HELZ: variants seen among roughly 807,000 people sequenced by gnomAD.
HELZ encodes the protein helicase with zinc finger, also known as ATP-dependent RNA helicase with zinc finger domain.
HELZ carries 23 observed loss-of-function variants against 218.2 expected under a neutral mutation model. That is an observed-to-expected ratio of 0.11 (90% CI 0.08 to 0.15). The LOEUF (loss-of-function observed/expected upper bound fraction) is 0.15. Ranked by LOEUF, HELZ falls within the 10% of genes least tolerant of loss-of-function variation. The pLI, the probability that HELZ is intolerant of heterozygous loss-of-function variation, is 1.00. For synonymous variants in HELZ, 814 were observed against 829.4 expected, an observed-to-expected ratio of 0.98 and a Z score of 0.32; for missense variants, 1,813 against 2,353.7, an observed-to-expected ratio of 0.77 and a Z score of 4.75.
intron 26 of HELZ, among the ~76,000 whole-genome samples, chr17:67,122,271 T>G (rs761045772): frequency 4.6e-5 from 7 of 151,760 alleles, no homozygotes; most frequent in Non-Finnish European, 1.0e-4. Context: ...CATGGCCAGG[T>G]GCAGTGGCTC....
At chr17:67,121,609 A>T (rs1273037206) in intron 26 of HELZ, among the ~76,000 whole-genome samples, 2 of 152,250 alleles carry the variant, frequency 1.3e-5, no homozygotes, top group Non-Finnish European at 2.9e-5. Context: ...GGCAATGATC[A>T]TCTCAGCCTG....
In HELZ at chr17:67,193,561, CA is replaced by C. The variant is rs545358687; in HGVS notation, c.557+405del. 2.2e-3 allele frequency among the ~76,000 whole-genome samples: 328 copies of C among 151,832 alleles called. 1 individual carries two copies. The highest frequency in any genetic ancestry group is 3.4e-3 in the Middle Eastern group (1 of 294). On this transcript the variant is annotated intron_variant, in intron 9 of 32. Transcript: ENST00000358691. Reference sequence around the variant, plus strand: ...TGAAACCCTGTCTCTACTAAACATACAAAAAATTAGCCAGTGTGGTGGCACA... The same window carrying C: ...TGAAACCCTGTCTCTACTAAACATACAAAAATTAGCCAGTGTGGTGGCACA...
Position 67,208,564 on chromosome 17 carries a change from T to G in HELZ, c.248-5121A>C, listed in dbSNP as rs548615738. Among the ~76,000 whole-genome samples, 4 of 151,984 alleles carry G rather than the reference T, an allele frequency of 2.6e-5. No homozygotes were observed. The East Asian group carries it at 7.7e-4, about 29-fold the overall frequency. On this transcript the variant is annotated intron_variant, in intron 5 of 32. Transcript: ENST00000358691. ...AGAGTTTAAAATAAATACATAAAGC[T>G]TATATATATATAAATTTTTTAAAAA... is the stretch of plus-strand genomic sequence containing the variant.
intron 17 of HELZ, among the ~76,000 whole-genome samples, chr17:67,151,848 A>T (rs2038694168): frequency 6.6e-6 from 1 of 152,202 alleles, no homozygotes; most frequent in South Asian, 2.1e-4. Context: ...GGATTATTAA[A>T]ATGACACAGA....
At position 67,107,349 on chromosome 17, in the gene HELZ, G is replaced by A; in HGVS notation, c.5061C>T (p.Asn1687=). 6.2e-7 allele frequency: 1 copy of A among 1,614,200 alleles called. No individual in the cohort carries two copies. Among genetic ancestry groups the A allele is most frequent in the Non-Finnish European group, 8.5e-7 (1 of 1,180,024 alleles). Reference sequence around the variant, plus strand: ...GCCCCATTAGGTGATTCTGTTGCAAGTTAGCAAAAGTCCATGCTCCATCAG... The same window carrying A: ...GCCCCATTAGGTGATTCTGTTGCAAATTAGCAAAAGTCCATGCTCCATCAG... ...LAPDGAWTFA[N]LQQNHLMGPG... is the part of the protein sequence containing the mutation. Residue 1687 remains asparagine, a synonymous_variant, in exon 31 of 33, where the codon AAC becomes AAT. Transcript: ENST00000358691.
At chr17:67,221,285 T>C (rs750632333) in intron 3 of HELZ, among the ~76,000 whole-genome samples, 8 of 152,126 alleles carry the variant, frequency 5.3e-5, no homozygotes, top group Non-Finnish European at 1.2e-4. Flanking sequence ...GACAACCAAA[T>C]ATGTCTCCAG....
chr17:67,178,881 G>C lies in HELZ; in HGVS notation c.1208C>G (p.Ala403Gly). ...MHAKQQLVTT[A>G]KRWDSSSKTI... ...CTTAGAGGAAGAATCCCAACGTTTA[G>C]CTGTGGTTACTAGCTGCTGTTTTGC... The change falls in exon 13 of 33, where the codon GCT becomes GGT. Residue 403 changes from alanine (A) to glycine (G), a missense_variant. By Grantham distance (60) the Ala-to-Gly change is moderately conservative (BLOSUM62 0). Around this residue, in one of 4 missense-constraint regions of HELZ, gnomAD observed 714 missense variants for 1,029.2 expected, o/e 0.69. Coordinates refer to ENST00000358691, the MANE Select transcript of HELZ (RefSeq NM_014877.4). 6.2e-7 allele frequency: 1 copy of C among 1,612,416 alleles called. No homozygotes were observed. Among genetic ancestry groups the C allele is most frequent in the Non-Finnish European group, 8.5e-7 (1 of 1,178,702 alleles).
At chr17:67,239,930 A>T (rs2041277741) in intron 2 of HELZ, 2 of 152,164 alleles carry the variant, frequency 1.3e-5, no homozygotes. Context: ...TTGCTATGAG[A>T]ATTAAAGGAG....
intron 21 of HELZ, among the ~76,000 whole-genome samples, chr17:67,142,415 G>A (rs2038355242): frequency 6.6e-6 from 1 of 152,102 alleles, no homozygotes; most frequent in African/African-American, 2.4e-5. Context: ...GCTGAGGTGG[G>A]AAGATCACCT....
At chr17:67,163,828 A>T (rs1475063537) in intron 15 of HELZ, among the ~76,000 whole-genome samples, 1 of 152,158 alleles carries the variant, frequency 6.6e-6, no homozygotes, top group East Asian at 1.9e-4. Flanking sequence ...GCCCATTACC[A>T]TTACAACTAA....
chr17:67,186,893 T>C (rs1389880903), intron 12 of HELZ, among the ~76,000 whole-genome samples: 3 of 152,210 alleles, frequency 2.0e-5, no homozygotes, highest in African/African-American at 7.2e-5. Context: ...GTCTGGTCTC[T>C]AAAAGCAACT....
chr17:67,192,852 TAATA>T (rs1343550774), intron 9 of HELZ, among the ~76,000 whole-genome samples: 41 of 152,348 alleles, frequency 2.7e-4, no homozygotes, highest in Admixed American at 5.9e-4. Flanking sequence ...CCTTCCACAT[TAATA>T]AATAATTATT....
chr17:67,107,575 C>T lies in HELZ; in HGVS notation c.4835G>A (p.Ser1612Asn). ...AGATGGGACTGCTGGTGGGCTTCTA[C>T]TCTGTACTTGTCTATATTGCAAAAG... is the stretch of plus-strand genomic sequence containing the variant. ...SRLLQYRQVQ[S>N]RSPPAVPSPP... The change falls in exon 31 of 33, where the codon AGT (serine) becomes AAT (asparagine). Residue 1612 changes from serine (S) to asparagine (N), a missense_variant. Ser to Asn is a conservative substitution (Grantham distance 46). Coordinates refer to ENST00000358691, the MANE Select transcript of HELZ (RefSeq NM_014877.4). 5.6e-6 allele frequency: 9 copies of T among 1,614,104 alleles called. No individual in the cohort carries two copies. The highest frequency in any genetic ancestry group is 7.6e-6 in the Non-Finnish European group (9 of 1,180,004).
At chr17:67,224,464 T>G in intron 3 of HELZ, 1 of 255,078 alleles carries the variant, frequency 3.9e-6, no homozygotes, top group Non-Finnish European at 7.7e-6. Flanking sequence ...TAAGTCAGTT[T>G]AGGTTGATAT....
chr17:67,076,817 G>C lies in HELZ; in HGVS notation c.*1435C>G, dbSNP rs2036029651. The C allele has an allele frequency of 6.6e-6, 1 of 152,126 alleles. No homozygotes were observed. The highest frequency in any genetic ancestry group is 1.5e-5 in the Non-Finnish European group (1 of 68,032). 9.4% of individuals were successfully genotyped at this position (152,126 alleles called of 1,614,324 possible). ...CTGTTTTTGAATGGATCATCAGGAA[G>C]ATTGGGTTCATTCGAAAGGTTCCCC... On this transcript the variant is annotated 3_prime_UTR_variant, in exon 33 of 33. Transcript: ENST00000358691.
intron 13 of HELZ, among the ~76,000 whole-genome samples, chr17:67,177,642 T>C (rs754069692): frequency 2.1e-5 from 3 of 143,600 alleles, no homozygotes; most frequent in Non-Finnish European, 3.0e-5. Context: ...ACAGACACAA[T>C]TGATAAAAAA....
rs1567806585 is a variant in HELZ at position 67,108,423 on chromosome 17, GACTAC to G, written c.4724+64_4724+68del. On this transcript the variant is annotated intron_variant, in intron 30 of 32. Transcript: ENST00000358691. The surrounding 1 kb of genome is among the most constrained non-coding windows in gnomAD (Gnocchi z 4.1). ...CAATATTCCAGCTTGAAGCTAAAAG[GACTAC>G]AGTCAAAAAAGAGAACAGTGAGGGG... 3 of 1,171,004 alleles carry G rather than the reference GACTAC, an allele frequency of 2.6e-6. No individual in the cohort carries two copies. Among genetic ancestry groups the G allele is most frequent in the Admixed American group, 1.8e-5 (1 of 55,334 alleles). 72.5% of individuals were successfully genotyped at this position (1,171,004 alleles called of 1,614,324 possible).
chr17:67,186,402 C>G (rs1400430405), intron 12 of HELZ, among the ~76,000 whole-genome samples: 2 of 152,114 alleles, frequency 1.3e-5, no homozygotes, highest in African/African-American at 4.8e-5. Context: ...CAGGCTCACA[C>G]AGGCAATAAG....
intron 23 of HELZ, among the ~76,000 whole-genome samples, chr17:67,130,649 A>G (rs543460079): frequency 6.6e-6 from 1 of 152,284 alleles, no homozygotes; most frequent in East Asian, 1.9e-4. Flanking sequence ...TATCTTATAT[A>G]GCACTCAGGA....
Sources: allele counts gnomAD v4.1 joint callset (sites outside exome capture counted in the v4.1 genomes callset), GRCh38; gene constraint gnomAD v4.1.1; regional missense constraint gnomAD v4.1.1; non-coding constraint Gnocchi (gnomAD v3.1); transcripts MANE v1.5; gene names NCBI Gene and HGNC (gene_info 2026-07-23, HGNC 2026-07-21).